Variants in UNC13C observed in about 807,000 individuals in gnomAD.
UNC13C encodes the protein protein unc-13 homolog C.
In UNC13C, 174 loss-of-function variants were observed where a neutral mutation model predicts 245.4. That is an observed-to-expected ratio of 0.71 (90% CI 0.63 to 0.80). The LOEUF (loss-of-function observed/expected upper bound fraction) is 0.80, where lower values mean the gene tolerates loss of function less well. UNC13C is among the 30% of genes least tolerant of loss of function. The probability of loss-of-function intolerance (pLI) is 0.00; values close to 1 mark genes in which losing one functional copy is unlikely to be tolerated. For synonymous variants in UNC13C, 992 were observed against 895.1 expected, an observed-to-expected ratio of 1.11 and a Z score of -1.93; for missense variants, 2,829 against 2,602.9, an observed-to-expected ratio of 1.09 and a Z score of -1.89.
intron 2 of UNC13C, among the ~76,000 whole-genome samples, chr15:54,052,261 C>T (rs3985785): frequency 1.2e-5 from 1 of 85,512 alleles, no homozygotes; most frequent in African/African-American, 4.4e-5. Context: ...ATTTATAGTC[C>T]TTTGGGTATA....
At chr15:54,480,660 T>C (rs535639869) in intron 19 of UNC13C, among the ~76,000 whole-genome samples, 1 of 152,290 alleles carries the variant, frequency 6.6e-6, no homozygotes, top group African/African-American at 2.4e-5. Context: ...TCTTGCTCTG[T>C]GTTTCTTTAG....
Position 54,312,911 on chromosome 15 carries a change from G to A in UNC13C, c.4269-9028G>A, listed in dbSNP as rs576898832. ...CCATCTAGCCAGCTGCCTAAAGTTA[G>A]AAAAAGTTCCTTCCAGAAACTGGGA... On this transcript the variant is annotated intron_variant, in intron 13 of 32. Transcript: ENST00000260323. 6.6e-5 allele frequency among the ~76,000 whole-genome samples: 10 copies of A among 151,884 alleles called. No individual in the cohort carries two copies. The South Asian group carries it at 2.1e-3, about 32-fold the overall frequency.
the UNC13C span, among the ~76,000 whole-genome samples, chr15:53,945,956 C>A: frequency 6.6e-6 from 1 of 152,030 alleles, no homozygotes; most frequent in Admixed American, 6.6e-5. Flanking sequence ...TTGTAGAGAT[C>A]TTTCACCTCC....
intron 16 of UNC13C, among the ~76,000 whole-genome samples, chr15:54,336,680 C>T (rs140163802): frequency 6.6e-6 from 1 of 152,090 alleles, no homozygotes; most frequent in East Asian, 1.9e-4. Context: ...TCAAGGATAA[C>T]ATTTTACATA....
chr15:54,038,122 A>ATT lies in UNC13C; in HGVS notation c.2983+22237_2983+22238insTT, dbSNP rs1355738786. On this transcript the variant is annotated intron_variant, in intron 2 of 32. Transcript: ENST00000260323. The stretch of plus-strand genomic sequence containing the variant: ...TACATATATATATATATATATATAT[A>ATT]TATTTTTTTTTTTTTTTTCCTGAGA... Among the ~76,000 whole-genome samples the ATT allele has an allele frequency of 8.8e-4, 44 of 50,246 alleles. 2 individuals carry two copies. The highest frequency in any genetic ancestry group is 1.2e-3 in the Admixed American group (3 of 2,500). 33.0% of individuals were successfully genotyped at this position (50,246 alleles called of 152,430 possible). A position where few individuals can be genotyped will look rare whatever the true frequency, so the allele number is the denominator to read the frequency against.
At chr15:54,598,876 T>C (rs1899244556) in intron 30 of UNC13C, among the ~76,000 whole-genome samples, 1 of 152,170 alleles carries the variant, frequency 6.6e-6, no homozygotes, top group Non-Finnish European at 1.5e-5. Context: ...TGACAAGAGT[T>C]TGTTTTCCTT....
At chr15:54,465,914 A>T (rs1166633840) in intron 19 of UNC13C, among the ~76,000 whole-genome samples, 9 of 152,048 alleles carry the variant, frequency 5.9e-5, no homozygotes, top group Non-Finnish European at 1.5e-5. Context: ...TCAATGTGCA[A>T]AAAGATTATG....
chr15:54,131,677 A>G (rs1321899510), intron 2 of UNC13C, among the ~76,000 whole-genome samples: 3 of 152,132 alleles, frequency 2.0e-5, no homozygotes, highest in African/African-American at 7.2e-5. Context: ...GTTTGGTGCT[A>G]TCCTTGGTTC....
At chr15:53,899,701 A>G in the UNC13C span, among the ~76,000 whole-genome samples, 2 of 151,958 alleles carry the variant, frequency 1.3e-5, no homozygotes, top group Non-Finnish European at 2.9e-5. Flanking sequence ...AGTGGCTGCT[A>G]TTACAGGCAT....
At position 54,124,327 on chromosome 15, in the gene UNC13C, T is replaced by C. The variant is rs567586119; in HGVS notation, c.2984-18691T>C. On this transcript the variant is annotated intron_variant, in intron 2 of 32. Coordinates refer to ENST00000260323, the MANE Select transcript of UNC13C (RefSeq NM_001080534.3). Reference sequence around the variant, plus strand: ...TTGGTATTGTCACTGCTTTTTGTTTTATTTGTTCTATTAAATGTGTAGAGA... The same window carrying C: ...TTGGTATTGTCACTGCTTTTTGTTTCATTTGTTCTATTAAATGTGTAGAGA... Among the ~76,000 whole-genome samples the C allele has an allele frequency of 9.2e-5, 14 of 152,354 alleles. No homozygotes were observed. The East Asian group carries it at 2.7e-3, about 29-fold the overall frequency.
chr15:54,412,701 G>A (rs1408449185), intron 18 of UNC13C, among the ~76,000 whole-genome samples: 4 of 152,062 alleles, frequency 2.6e-5, no homozygotes, highest in African/African-American at 9.7e-5. Flanking sequence ...ACAATTTTTA[G>A]TATGCCATTT....
chr15:54,013,455 G>A lies in UNC13C; in HGVS notation c.552G>A (p.Leu184=). 6.2e-7 allele frequency: 1 copy of A among 1,613,778 alleles called. No homozygotes were observed. The highest frequency in any genetic ancestry group is 8.5e-7 in the Non-Finnish European group (1 of 1,179,836). Reference sequence around the variant, plus strand: ...TAAAACTGGGAGCTTTACGAAAACTGAGAAAATGGAAAAAGAGTCAAGAAT... The same window carrying A: ...TAAAACTGGGAGCTTTACGAAAACTAAGAAAATGGAAAAAGAGTCAAGAAT... ...HGLKLGALRK[L]RKWKKSQECV... The change falls in exon 2 of 33, where the codon CTG becomes CTA. Residue 184 remains leucine, a synonymous_variant. Transcript: ENST00000260323.
the UNC13C span, among the ~76,000 whole-genome samples, chr15:53,877,334 C>T: frequency 1.6e-4 from 24 of 152,148 alleles, no homozygotes; most frequent in Non-Finnish European, 2.4e-4. Context: ...CCCTTCAATG[C>T]CATGTTCCCT....
chr15:54,075,018 T>C (rs1595812934), intron 2 of UNC13C, among the ~76,000 whole-genome samples: 2 of 152,280 alleles, frequency 1.3e-5, no homozygotes, highest in South Asian at 4.1e-4. Flanking sequence ...ATCATCAATA[T>C]CGTGTAGTTG....
intron 2 of UNC13C, among the ~76,000 whole-genome samples, chr15:54,058,126 G>C (rs1179925451): frequency 6.6e-6 from 1 of 152,002 alleles, no homozygotes; most frequent in African/African-American, 2.4e-5. Flanking sequence ...CAGAACTGAA[G>C]GAAATAGAGA....
At chr15:54,391,578 T>C (rs1261498744) in intron 17 of UNC13C, among the ~76,000 whole-genome samples, 5 of 152,102 alleles carry the variant, frequency 3.3e-5, no homozygotes, top group Admixed American at 2.6e-4. Flanking sequence ...TCGGGGATCA[T>C]ATATACATAC....
chr15:54,403,482 G>A (rs2040229222), intron 18 of UNC13C, among the ~76,000 whole-genome samples: 1 of 152,014 alleles, frequency 6.6e-6, no homozygotes, highest in East Asian at 1.9e-4. Context: ...AGCACTTTGG[G>A]AACCCGAGGC....
At chr15:54,257,686 A>G (rs776018540) in intron 8 of UNC13C, among the ~76,000 whole-genome samples, 1 of 152,132 alleles carries the variant, frequency 6.6e-6, no homozygotes, top group Non-Finnish European at 1.5e-5. Context: ...GCTATGTTAG[A>G]TCTGTGATCC....
chr15:54,253,588 T>A (rs1008526346), intron 8 of UNC13C, among the ~76,000 whole-genome samples: 16 of 152,214 alleles, frequency 1.1e-4, no homozygotes, highest in African/African-American at 3.9e-4. Context: ...AAAAGACATT[T>A]AGAATTCTTT....
Sources: allele counts gnomAD v4.1 joint callset (sites outside exome capture counted in the v4.1 genomes callset), GRCh38; gene constraint gnomAD v4.1.1; transcripts MANE v1.5; gene names NCBI Gene and HGNC (gene_info 2026-07-23, HGNC 2026-07-21).